The following CNTN6 variants were observed in gnomAD, a reference collection of about 807,000 sequenced individuals.
The protein encoded by CNTN6 is contactin-6.
A neutral mutation model predicts 122.8 loss-of-function variants in CNTN6; 137 were observed. The ratio of observed to expected loss-of-function variants is 1.12; its 90% CI spans 0.97 to 1.29. CNTN6 has a LOEUF of 1.29. Among genes scored for constraint, CNTN6 ranks in the 50% most tolerant of loss-of-function variants. The probability of loss-of-function intolerance (pLI) is 0.00; values close to 1 mark genes in which losing one functional copy is unlikely to be tolerated. For synonymous variants in CNTN6, 570 were observed against 426.0 expected, an observed-to-expected ratio of 1.34 and a Z score of -4.16; for missense variants, 1,634 against 1,223.4, an observed-to-expected ratio of 1.34 and a Z score of -5.01.
chr3:1,348,171 A>AAAAAAAAAAAAAAAAAAAAAAAAAAT (rs1705052041), intron 11 of CNTN6, among the ~76,000 whole-genome samples: 1 of 150,350 alleles, frequency 6.7e-6, no homozygotes, highest in East Asian at 1.9e-4. Context: ...AAAAAAAAAA[A>AAAAAAAAAAAAAAAAAAAAAAAAAAT]AAAAAGGACT....
chr3:1,263,196 A>G (rs373702881), intron 4 of CNTN6, among the ~76,000 whole-genome samples: 1 of 151,946 alleles, frequency 6.6e-6, no homozygotes, highest in African/African-American at 2.4e-5. Context: ...TTGAAAAAAA[A>G]TGAAAAGTAC....
intron 17 of CNTN6, among the ~76,000 whole-genome samples, chr3:1,381,936 G>A (rs960056938): frequency 7.2e-6 from 1 of 138,276 alleles, no homozygotes; most frequent in African/African-American, 2.8e-5. Flanking sequence ...TCTGGCGCTC[G>A]TGAATTGGTG....
Position 1,383,012 on chromosome 3 carries a change from C to A in CNTN6, c.2237C>A (p.Thr746Lys), listed in dbSNP as rs759747258. ...YIIMFRPVGSTTWSKEKVSSV... is the reference protein window; with the variant it reads ...YIIMFRPVGSKTWSKEKVSSV... ...ATCATGTTCCGGCCAGTGGGCTCGA[C>A]AACCTGGTCCAAGGAGAAAGTGTCA... is the stretch of plus-strand genomic sequence containing the variant. Residue 746 changes from threonine (T) to lysine (K), a missense_variant, in exon 18 of 23, where the codon ACA (threonine) becomes AAA (lysine). Transcript: ENST00000446702. 3.1e-6 allele frequency: 5 copies of A among 1,613,972 alleles called. No homozygotes were observed. Among genetic ancestry groups the A allele is most frequent in the Admixed American group, 1.7e-5 (1 of 59,990 alleles).
intron 7 of CNTN6, among the ~76,000 whole-genome samples, chr3:1,320,928 T>C (rs771968357): frequency 6.6e-6 from 1 of 151,712 alleles, no homozygotes; most frequent in Non-Finnish European, 1.5e-5. Context: ...GAAATTAATA[T>C]TAATAAAGTA....
intron 20 of CNTN6, among the ~76,000 whole-genome samples, chr3:1,389,755 C>T (rs1267761118): frequency 6.7e-6 from 1 of 149,750 alleles, no homozygotes; most frequent in East Asian, 1.9e-4. Flanking sequence ...GCAGGGGTTG[C>T]AATCCTAGTC....
In CNTN6 at chr3:1,401,564, CT is replaced by C; in HGVS notation, c.2817+22del. 1 of 1,534,430 alleles carries C rather than the reference CT, an allele frequency of 6.5e-7. No homozygotes were observed. The highest frequency in any genetic ancestry group is 1.7e-5 in the Admixed American group (1 of 57,408). ...GTACAAGGTGAGTTTTTAGTTTTTC[CT>C]TTAATCATATCAATTAAGTTACTAA... On this transcript the variant is annotated intron_variant, in intron 21 of 22. Coordinates refer to ENST00000446702, the MANE Select transcript of CNTN6 (RefSeq NM_001289080.2).
chr3:1,127,435 CA>C (rs1236584625), intron 1 of CNTN6, among the ~76,000 whole-genome samples: 1 of 151,778 alleles, frequency 6.6e-6, no homozygotes, highest in Non-Finnish European at 1.5e-5. Flanking sequence ...GTTACCTAGT[CA>C]AATTTATCTG....
intron 1 of CNTN6, among the ~76,000 whole-genome samples, chr3:1,110,795 A>G (rs1382033066): frequency 6.6e-6 from 1 of 152,186 alleles, no homozygotes; most frequent in Admixed American, 6.6e-5. Flanking sequence ...TCAAATCTAC[A>G]TCTGATTTCA....
intron 19 of CNTN6, 38 bp downstream of exon 19, chr3:1,383,446 C>A: frequency 6.7e-7 from 1 of 1,494,188 alleles, no homozygotes; most frequent in Non-Finnish European, 9.3e-7. Flanking sequence ...TATGAATGTG[C>A]CAATGGACTT....
At chr3:1,326,943 T>C (rs778885976) in intron 9 of CNTN6, among the ~76,000 whole-genome samples, 6 of 151,972 alleles carry the variant, frequency 3.9e-5, no homozygotes, top group Non-Finnish European at 8.8e-5. Flanking sequence ...TGGGGTTCTG[T>C]AACAGATTTT....
chr3:1,142,945 C>T (rs1251199716), intron 1 of CNTN6, among the ~76,000 whole-genome samples: 4 of 135,508 alleles, frequency 3.0e-5, no homozygotes, highest in Admixed American at 7.4e-5. Flanking sequence ...ATTAAAGATA[C>T]ATATAAATTT....
At chr3:1,322,648 ATGTG>A (rs1378474978) in intron 8 of CNTN6, among the ~76,000 whole-genome samples, 4 of 150,032 alleles carry the variant, frequency 2.7e-5, no homozygotes, top group South Asian at 2.1e-4. Flanking sequence ...GTGTGTGTGT[ATGTG>A]TGTGTGTGTG....
At chr3:1,332,495 A>AGAGG (rs1553687663) in intron 11 of CNTN6, among the ~76,000 whole-genome samples, 2 of 118,552 alleles carry the variant, frequency 1.7e-5, no homozygotes, top group African/African-American at 7.0e-5. Context: ...AGGAAGGAAA[A>AGAGG]AAGGAAGGAA....
intron 2 of CNTN6, among the ~76,000 whole-genome samples, chr3:1,188,204 A>G (rs995459051): frequency 2.6e-5 from 4 of 152,182 alleles, no homozygotes; most frequent in African/African-American, 4.8e-5. Context: ...TATGAACTCA[A>G]TGGCTAGTCT....
At chr3:1,392,823 C>T (rs1694370446) in intron 20 of CNTN6, among the ~76,000 whole-genome samples, 1 of 136,180 alleles carries the variant, frequency 7.3e-6, no homozygotes, top group Non-Finnish European at 1.6e-5. Flanking sequence ...TCATCACTGG[C>T]CATCAGAGAA....
intron 2 of CNTN6, among the ~76,000 whole-genome samples, chr3:1,194,954 A>G (rs576771680): frequency 6.6e-6 from 1 of 152,076 alleles, no homozygotes; most frequent in South Asian, 2.1e-4. Flanking sequence ...ATTCTTAGAG[A>G]TTAAAAAAAA....
At chr3:1,284,575 C>T (rs773170981) in intron 5 of CNTN6, among the ~76,000 whole-genome samples, 2 of 152,058 alleles carry the variant, frequency 1.3e-5, no homozygotes, top group African/African-American at 4.8e-5. Context: ...AAGTGCCACT[C>T]GTTTTTCTGC....
rs117085560 is a variant in CNTN6, at chr3:1,103,179, T to C, written c.-83+10059T>C. On this transcript the variant is annotated intron_variant, in intron 1 of 22. Coordinates refer to ENST00000446702, the MANE Select transcript of CNTN6 (RefSeq NM_001289080.2). ...TGAAAAAGTTTCTGTTATTCTAGAC[T>C]TGATAGAACACACTTGTTTAAAGTG... is the stretch of plus-strand genomic sequence containing the variant. 2.8e-3 allele frequency among the ~76,000 whole-genome samples: 420 copies of C among 152,312 alleles called. 13 individuals carry two copies. The East Asian group carries it at 0.073, about 27-fold the overall frequency.
rs1692247236 is a variant in CNTN6, at chr3:1,383,408, G to A, written c.2517G>A (p.Glu839=). Residue 839 remains glutamate, a splice_region_variant and synonymous_variant, in exon 19 of 23, where the codon GAG becomes GAA. Coordinates refer to ENST00000446702, the MANE Select transcript of CNTN6 (RefSeq NM_001289080.2). ...NRNTGRVLGY[E]VLYWTDDSKE... ...ACACTGGAAGAGTGCTGGGCTATGA[G>A]GTAATCCACATTAATTTCACTTTTG... 1.2e-6 allele frequency: 2 copies of A among 1,610,692 alleles called. No homozygotes were observed. The highest frequency in any genetic ancestry group is 1.7e-6 in the Non-Finnish European group (2 of 1,177,154).
Sources: allele counts gnomAD v4.1 joint callset (sites outside exome capture counted in the v4.1 genomes callset), GRCh38; gene constraint gnomAD v4.1.1; transcripts MANE v1.5; gene names NCBI Gene and HGNC (gene_info 2026-07-23, HGNC 2026-07-21).